JMJD1C: variants seen among roughly 807,000 people sequenced by gnomAD.
The protein encoded by JMJD1C is jumonji domain-containing protein 1C.
A neutral mutation model predicts 245.3 loss-of-function variants in JMJD1C; 31 were observed. The ratio of observed to expected loss-of-function variants is 0.13; its 90% CI spans 0.09 to 0.17. JMJD1C has a LOEUF of 0.17. JMJD1C is among the 10% of genes least tolerant of loss of function. The pLI, the probability that JMJD1C is intolerant of heterozygous loss-of-function variation, is 1.00. For missense variants in JMJD1C, 2,691 were observed against 3,000.2 expected, an observed-to-expected ratio of 0.90 and a Z score of 2.41; for synonymous variants, 1,057 against 1,017.4, an observed-to-expected ratio of 1.04 and a Z score of -0.74.
intron 22 of JMJD1C, among the ~76,000 whole-genome samples, chr10:63,179,390 C>T (rs1564556814): frequency 1.4e-5 from 2 of 144,540 alleles, no homozygotes; most frequent in African/African-American, 2.6e-5. Flanking sequence ...GCCTGGGCAA[C>T]AAGAGCAAAA....
intron 1 of JMJD1C, among the ~76,000 whole-genome samples, chr10:63,439,066 T>A (rs1386150774): frequency 6.6e-6 from 1 of 152,186 alleles, no homozygotes; most frequent in Non-Finnish European, 1.5e-5. Flanking sequence ...TGGATAAATC[T>A]AGGATTGCCC....
At chr10:63,222,020 C>T in intron 3 of JMJD1C, 1 of 389,622 alleles carries the variant, frequency 2.6e-6, no homozygotes, top group Non-Finnish European at 4.9e-6. Context: ...CCACATCTGG[C>T]CCATAGAAAA....
At chr10:63,341,330 A>G (rs764826887) in intron 2 of JMJD1C, among the ~76,000 whole-genome samples, 1 of 152,242 alleles carries the variant, frequency 6.6e-6, no homozygotes, top group Admixed American at 6.5e-5. Flanking sequence ...GAACAAATCT[A>G]TAATACTGAT....
At chr10:63,352,109 A>G (rs1944412875) in intron 2 of JMJD1C, among the ~76,000 whole-genome samples, 1 of 152,224 alleles carries the variant, frequency 6.6e-6, no homozygotes, top group South Asian at 2.1e-4. Context: ...ACAGAAAACA[A>G]AAAAATTTTA....
upstream of JMJD1C, among the ~76,000 whole-genome samples, chr10:63,466,789 AAT>A (rs1491009135): frequency 1.4e-5 from 2 of 147,528 alleles, no homozygotes; most frequent in Non-Finnish European, 3.0e-5. Flanking sequence ...CAAGAAAAAA[AAT>A]ATTTATTTCC....
At chr10:63,512,408 C>A (rs1313355740) in intron 1 of JMJD1C, among the ~76,000 whole-genome samples, 2 of 151,974 alleles carry the variant, frequency 1.3e-5, no homozygotes, top group Non-Finnish European at 2.9e-5. Flanking sequence ...CCTCAATTTT[C>A]ACTTTGAGTA....
At chr10:63,269,170 G>A (rs1429746917) in intron 2 of JMJD1C, 9 of 985,314 alleles carry the variant, frequency 9.1e-6, no homozygotes, top group African/African-American at 3.5e-5. Context: ...CTCTGTCTGC[G>A]TGGAAACACA....
chr10:63,330,064 C>G (rs1325517121), intron 2 of JMJD1C, among the ~76,000 whole-genome samples: 3 of 152,146 alleles, frequency 2.0e-5, no homozygotes, highest in African/African-American at 7.2e-5. Context: ...CCACGCCCGG[C>G]TAATTTTTTA....
In JMJD1C at chr10:63,293,488, A is replaced by G. The variant is rs142224320; in HGVS notation, c.334-28724T>C. On this transcript the variant is annotated intron_variant, in intron 2 of 25. Transcript: ENST00000399262. ...CTCAGGTCCATCAAATAAAATATAA[A>G]TATGTAATATTTGTTTTTCCTTCTT... Among the ~76,000 whole-genome samples the G allele has an allele frequency of 2.0e-5, 3 of 152,300 alleles. No homozygotes were observed. In the East Asian group the frequency reaches 5.8e-4, roughly 29 times the overall value.
intron 13 of JMJD1C, among the ~76,000 whole-genome samples, chr10:63,196,682 A>T (rs12762115): frequency 6.6e-6 from 1 of 152,146 alleles, no homozygotes; most frequent in Admixed American, 6.5e-5. Context: ...TGTTTCCACA[A>T]TATTAATCCT....
chr10:63,302,530 T>C (rs1190654719), intron 2 of JMJD1C, among the ~76,000 whole-genome samples: 2 of 152,246 alleles, frequency 1.3e-5, no homozygotes, highest in Admixed American at 1.3e-4. Context: ...AGGCAAGTTG[T>C]ATGTTTATCT....
At chr10:63,473,967 C>T (rs967834966) in intron 1 of JMJD1C, among the ~76,000 whole-genome samples, 4 of 151,628 alleles carry the variant, frequency 2.6e-5, no homozygotes, top group Non-Finnish European at 5.9e-5. Flanking sequence ...CCCTAGATCC[C>T]GGGAGGCGAA....
chr10:63,342,028 G>C (rs1446086279), intron 2 of JMJD1C, among the ~76,000 whole-genome samples: 1 of 152,186 alleles, frequency 6.6e-6, no homozygotes. Flanking sequence ...TGGTGACTTT[G>C]AAGAATTCTG....
At chr10:63,193,909 G>A (rs954021249) in intron 14 of JMJD1C, among the ~76,000 whole-genome samples, 1 of 152,156 alleles carries the variant, frequency 6.6e-6, no homozygotes, top group Non-Finnish European at 1.5e-5. Flanking sequence ...CTCGTGATCC[G>A]CCGGCCTTGG....
At chr10:63,358,398 T>TA (rs5785571) in intron 2 of JMJD1C, among the ~76,000 whole-genome samples, 30,720 of 146,100 alleles carry the variant, frequency 0.21, 4,010 homozygotes, top group Non-Finnish European at 0.3. Flanking sequence ...AGAAATGGGG[T>TA]AAAAAAAAAA....
intron 2 of JMJD1C, among the ~76,000 whole-genome samples, chr10:63,297,067 A>C (rs754031426): frequency 6.6e-6 from 1 of 152,318 alleles, no homozygotes; most frequent in South Asian, 2.1e-4. Context: ...TTTTCTCATC[A>C]TCATACCCAG....
intron 2 of JMJD1C, among the ~76,000 whole-genome samples, chr10:63,278,643 C>G (rs1422888356): frequency 6.6e-6 from 1 of 151,548 alleles, no homozygotes; most frequent in East Asian, 1.9e-4. Context: ...AGTTCAAGAC[C>G]AGCCTGACCA....
chr10:63,439,160 G>A (rs889921671), intron 1 of JMJD1C, among the ~76,000 whole-genome samples: 1 of 151,972 alleles, frequency 6.6e-6, no homozygotes, highest in African/African-American at 2.4e-5. Flanking sequence ...GTGTGAAAAC[G>A]GTCTTCAAAT....
chr10:63,458,823 A>C (rs1397930951), intron 1 of JMJD1C, among the ~76,000 whole-genome samples: 1 of 151,820 alleles, frequency 6.6e-6, no homozygotes, highest in Non-Finnish European at 1.5e-5. Flanking sequence ...TCTCAGGCTC[A>C]AGCCATCCTC....
Sources: gnomAD v4.1 joint callset for allele counts (sites outside exome capture counted in the v4.1 genomes callset) on GRCh38, gnomAD v4.1.1 for gene constraint, MANE v1.5 for transcripts, NCBI Gene and HGNC (gene_info 2026-07-23, HGNC 2026-07-21) for gene names.